MTMR6: variants seen among roughly 807,000 people sequenced by gnomAD.
MTMR6 encodes the protein myotubularin related protein 6, also known as phosphatidylinositol-3,5-bisphosphate 3-phosphatase MTMR6.
In MTMR6, 47 loss-of-function variants were observed where a neutral mutation model predicts 80.1. That is an observed-to-expected ratio of 0.59 (90% CI 0.46 to 0.75). The LOEUF (loss-of-function observed/expected upper bound fraction) is 0.75. Among genes scored for constraint, MTMR6 ranks in the 30% least tolerant of loss-of-function variants. MTMR6 has a pLI of 0.00. For missense variants in MTMR6, 629 were observed against 730.9 expected (o/e 0.86, Z 1.61); for synonymous variants, 254 against 253.0 (o/e 1.00, Z -0.04).
Position 25,252,020 on chromosome 13 carries a change from A to G in MTMR6, c.1347-36T>C, listed in dbSNP as rs372446234. ...TGAGAAAAACACAGAGATCTTTCCT[A>G]TAGATGCAAAGTAGTAATGGTAATA... is the stretch of plus-strand genomic sequence containing the variant. On this transcript the variant is annotated intron_variant, in intron 11 of 13. Coordinates refer to ENST00000381801, the MANE Select transcript of MTMR6 (RefSeq NM_004685.5). 5 of 1,584,426 alleles carry G rather than the reference A, an allele frequency of 3.2e-6. No individual in the cohort carries two copies. In the African/African-American group the frequency reaches 6.8e-5, roughly 22 times the overall value.
intron 1 of MTMR6, among the ~76,000 whole-genome samples, chr13:25,286,841 C>T (rs1474613801): frequency 2.0e-5 from 3 of 152,188 alleles, no homozygotes; most frequent in Admixed American, 6.5e-5. Flanking sequence ...TACACAGCAT[C>T]ATAATGTTAA....
At chr13:25,275,147 C>A (rs1470088927) in intron 1 of MTMR6, among the ~76,000 whole-genome samples, 3 of 152,134 alleles carry the variant, frequency 2.0e-5, no homozygotes, top group Admixed American at 2.0e-4. Flanking sequence ...TTAATTTGGG[C>A]CAGGCACGGT....
At chr13:25,280,368 TTTAG>T (rs1467284509) in intron 1 of MTMR6, among the ~76,000 whole-genome samples, 2 of 152,224 alleles carry the variant, frequency 1.3e-5, no homozygotes, top group Non-Finnish European at 2.9e-5. Flanking sequence ...ACAACATTTA[TTTAG>T]TATTTACACT....
At chr13:25,264,224 C>T (rs1232656635) in intron 5 of MTMR6, among the ~76,000 whole-genome samples, 1 of 149,732 alleles carries the variant, frequency 6.7e-6, no homozygotes, top group African/African-American at 2.5e-5. Flanking sequence ...ATCTAAGACA[C>T]AGACTGGAGA....
At chr13:25,254,830 T>C (rs1014905501) in intron 9 of MTMR6, among the ~76,000 whole-genome samples, 1 of 150,836 alleles carries the variant, frequency 6.6e-6, no homozygotes, top group East Asian at 1.9e-4. Context: ...GAGGTGGATA[T>C]TTTAAAACTT....
At chr13:25,274,286 C>T in intron 1 of MTMR6, 99 bp from the exon 2 acceptor site, 1 of 663,840 alleles carries the variant, frequency 1.5e-6, no homozygotes, top group Non-Finnish European at 2.5e-6. Flanking sequence ...TTTTTTCTTC[C>T]TCCTAAAATC....
chr13:25,253,327 T>C (rs1957128380), intron 11 of MTMR6, among the ~76,000 whole-genome samples: 1 of 152,192 alleles, frequency 6.6e-6, no homozygotes, highest in African/African-American at 2.4e-5. Flanking sequence ...GTTTAAAATA[T>C]TTTACACTTT....
rs568415307 is a variant in MTMR6 at position 25,253,831 on chromosome 13, C to T, written c.1279G>A (p.Glu427Lys). The change falls in exon 11 of 14, where the codon GAG becomes AAG. Residue 427 changes from glutamate to lysine, a missense_variant. Physicochemically the swap from Glu to Lys is moderately conservative, Grantham distance 56. Coordinates refer to ENST00000381801, the MANE Select transcript of MTMR6 (RefSeq NM_004685.5). ...CCAAACTGGCATGAATGAATATGCT[C>T]ATGGATCTGAAGAAGAAATGCTTCA... is the stretch of plus-strand genomic sequence containing the variant. ...FSEAFLLQIH[E>K]HIHSCQFGNF... The T allele has an allele frequency of 1.9e-6, 3 of 1,614,078 alleles. No individual in the cohort carries two copies. The highest frequency in any genetic ancestry group is 1.3e-5 in the African/African-American group (1 of 75,018).
chr13:25,258,878 G>A (rs1957274023), intron 6 of MTMR6, among the ~76,000 whole-genome samples, 186 bp from the exon 7 acceptor site: 1 of 152,128 alleles, frequency 6.6e-6, no homozygotes, highest in Non-Finnish European at 1.5e-5. Flanking sequence ...TAATGAAGGA[G>A]ATAATAAAGT....
At chr13:25,273,993 T>C (rs1471084250) in intron 2 of MTMR6, 78 bp downstream of exon 2, 3 of 1,046,860 alleles carry the variant, frequency 2.9e-6, no homozygotes, top group South Asian at 3.0e-5. Context: ...AAAATTGTGT[T>C]ATACACATTC....
In MTMR6 at chr13:25,246,998, T is replaced by A. The variant is rs1453142572; in HGVS notation, c.*2234A>T. On this transcript the variant is annotated 3_prime_UTR_variant, in exon 14 of 14. Transcript: ENST00000381801. ...GGGCACAAAAAAATAGTGATTGTAATATAAGCAAGTGACAGGAACAAAATG... is the reference window on the plus strand; with the variant it reads ...GGGCACAAAAAAATAGTGATTGTAAAATAAGCAAGTGACAGGAACAAAATG... The A allele has an allele frequency of 6.6e-6, 1 of 152,220 alleles. No homozygotes were observed. Among genetic ancestry groups the A allele is most frequent in the Non-Finnish European group, 1.5e-5 (1 of 68,038 alleles). 9.4% of individuals were successfully genotyped at this position (152,220 alleles called of 1,614,324 possible).
chr13:25,269,511 C>G (rs1268251013), intron 2 of MTMR6, among the ~76,000 whole-genome samples: 1 of 152,016 alleles, frequency 6.6e-6, no homozygotes, highest in African/African-American at 2.4e-5. Context: ...GAAAACTTTT[C>G]TGGAGAATAA....
intron 3 of MTMR6, among the ~76,000 whole-genome samples, chr13:25,266,799 G>A (rs539040410): frequency 6.6e-6 from 1 of 152,256 alleles, no homozygotes; most frequent in East Asian, 1.9e-4. Flanking sequence ...GAGACAATAG[G>A]ATGTTACAGG....
rs1957006136 is a variant in MTMR6, at chr13:25,247,648, T to C, written c.*1584A>G. ...ATGGAAGCAGGATTGGTTAATCACA[T>C]ACTATATTTTATAGTGCATTTCTGT... On this transcript the variant is annotated 3_prime_UTR_variant, in exon 14 of 14. Coordinates refer to ENST00000381801, the MANE Select transcript of MTMR6 (RefSeq NM_004685.5). 6.6e-6 allele frequency: 1 copy of C among 152,210 alleles called. No homozygotes were observed. The highest frequency in any genetic ancestry group is 1.5e-5 in the Non-Finnish European group (1 of 68,002). The allele number at this position is 152,210 out of a possible 1,614,324, so 9.4% of individuals were successfully genotyped here. A position where few individuals can be genotyped will look rare whatever the true frequency, so the allele number is the denominator to read the frequency against.
chr13:25,271,216 A>G (rs1248468696), intron 2 of MTMR6, among the ~76,000 whole-genome samples: 1 of 152,050 alleles, frequency 6.6e-6, no homozygotes, highest in Non-Finnish European at 1.5e-5. Flanking sequence ...ATTTTCAAAC[A>G]ATCAGATGTT....
At position 25,257,235 on chromosome 13, in the gene MTMR6, AAG is replaced by A; in HGVS notation, c.1054_1055del (p.Leu352PhefsTer26). The A allele has an allele frequency of 6.2e-7, 1 of 1,613,942 alleles. No homozygotes were observed. The highest frequency in any genetic ancestry group is 8.5e-7 in the Non-Finnish European group (1 of 1,179,890). ...TTGTCCTGTAGTAGGAATCCAATAA[AAG>A]AGAACCCAGGGAACAAACCTGGGAA... is the stretch of plus-strand genomic sequence containing the variant. ...RTSQVCSLGS[L>X]LLDSYYRTIK... On this transcript the variant is annotated frameshift_variant, in exon 9 of 14. Transcript: ENST00000381801. LOFTEE classifies it high-confidence loss of function.
intron 3 of MTMR6, among the ~76,000 whole-genome samples, chr13:25,267,384 T>G (rs1049038704): frequency 6.6e-6 from 1 of 152,176 alleles, no homozygotes; most frequent in African/African-American, 2.4e-5. Context: ...AATATTTTAG[T>G]CCCACTGCCA....
At chr13:25,286,026 T>C (rs1957948566) in intron 1 of MTMR6, among the ~76,000 whole-genome samples, 1 of 152,166 alleles carries the variant, frequency 6.6e-6, no homozygotes, top group Non-Finnish European at 1.5e-5. Flanking sequence ...AGTTTGGTTA[T>C]AGACTTAAGC....
chr13:25,264,250 C>A (rs1957401937), intron 5 of MTMR6, among the ~76,000 whole-genome samples: 1 of 106,842 alleles, frequency 9.4e-6, no homozygotes. Flanking sequence ...TTGAGGAAAT[C>A]TTCCAGAAAA....
Sources: gnomAD v4.1 joint callset for allele counts (sites outside exome capture counted in the v4.1 genomes callset) on GRCh38, gnomAD v4.1.1 for gene constraint, MANE v1.5 for transcripts, NCBI Gene and HGNC (gene_info 2026-07-23, HGNC 2026-07-21) for gene names.